The following GRIN2B variants were observed in gnomAD, a reference collection of about 807,000 sequenced individuals.
GRIN2B encodes the protein glutamate receptor ionotropic, NMDA 2B.
A neutral mutation model predicts 114.5 loss-of-function variants in GRIN2B; 5 were observed. The observed-to-expected ratio is 0.04, with a 90% confidence interval of 0.02 to 0.09. The LOEUF (loss-of-function observed/expected upper bound fraction) is 0.09, where lower values mean the gene tolerates loss of function less well. Among genes scored for constraint, GRIN2B ranks in the 10% least tolerant of loss-of-function variants. The pLI is 1.00. For missense variants in GRIN2B, 1,108 were observed against 1,943.5 expected (o/e 0.57, Z 8.08); for synonymous variants, 787 against 745.1 (o/e 1.06, Z -0.92).
rs201867439 is a variant in GRIN2B, at chr12:13,675,859, C to A, written c.1011G>T (p.Arg337Ser). 2 of 1,505,346 alleles carry A rather than the reference C, an allele frequency of 1.3e-6. No individual in the cohort carries two copies. Among genetic ancestry groups the A allele is most frequent in the Non-Finnish European group, 1.8e-6 (2 of 1,081,216 alleles). The allele number at this position is 1,505,346 out of a possible 1,614,324, so 93.2% of individuals were successfully genotyped here. The part of the protein sequence containing the change: ...KRIYQSNMLN[R>S]YLINVTFEGR... ...CCTCAAAAGTGACATTGATCAGATA[C>A]CTGTAAAGATAAAATAAAAGGAAGA... is the stretch of plus-strand genomic sequence containing the variant. The change falls in exon 5 of 14, where the codon AGG (arginine) becomes AGT (serine). Residue 337 changes from arginine to serine, a missense_variant and splice_region_variant. Around this residue, in one of 19 missense-constraint regions of GRIN2B, gnomAD observed 199 missense variants for 439.6 expected, o/e 0.45. Coordinates refer to ENST00000609686, the MANE Select transcript of GRIN2B (RefSeq NM_000834.5).
At chr12:13,699,258 A>G (rs778708284) in intron 4 of GRIN2B, among the ~76,000 whole-genome samples, 17 of 152,152 alleles carry the variant, frequency 1.1e-4, no homozygotes, top group Non-Finnish European at 1.9e-4. Flanking sequence ...CATCTCCCCA[A>G]TACCTGCAGT....
chr12:13,668,793 A>G (rs1184236321), intron 5 of GRIN2B, among the ~76,000 whole-genome samples: 1 of 151,840 alleles, frequency 6.6e-6, no homozygotes, highest in Non-Finnish European at 1.5e-5. Context: ...TTTTATTGCA[A>G]TGTACTTGTT....
chr12:13,940,739 G>A (rs1157111362), intron 2 of GRIN2B, among the ~76,000 whole-genome samples: 4 of 151,990 alleles, frequency 2.6e-5, no homozygotes, highest in Non-Finnish European at 5.9e-5. Flanking sequence ...AGGGAGCAGG[G>A]GTGAAATTTA....
chr12:13,739,445 A>C (rs1482642160), intron 4 of GRIN2B, among the ~76,000 whole-genome samples: 1 of 150,794 alleles, frequency 6.6e-6, no homozygotes, highest in African/African-American at 2.4e-5. Flanking sequence ...GATCCTAACC[A>C]ACCTATTTTA....
Position 13,562,892 on chromosome 12 carries a change from C to T in GRIN2B, c.4346G>A (p.Gly1449Glu), listed in dbSNP as rs1255397067. 6.2e-7 allele frequency: 1 copy of T among 1,614,126 alleles called. No homozygotes were observed. The highest frequency in any genetic ancestry group is 1.7e-5 in the Admixed American group (1 of 60,030). Residue 1449 changes from glycine to glutamate, a missense_variant, in exon 14 of 14, where the codon GGG becomes GAG. Gly to Glu is a moderately conservative substitution (Grantham distance 98, BLOSUM62 -2). This residue lies in a region of GRIN2B where 478 missense variants were observed against 506.0 expected (regional missense o/e 0.94). Transcript: ENST00000609686. ...AGGCACACAGGGGTTGGACTGGTTC[C>T]CTATACAGATGTCCTTCTGGAAACG... is the stretch of plus-strand genomic sequence containing the variant. ...PARFQKDICIGNQSNPCVPNN... is the reference protein window; with the variant it reads ...PARFQKDICIENQSNPCVPNN...
intron 4 of GRIN2B, among the ~76,000 whole-genome samples, chr12:13,739,725 TTTTGGAACTGGGCTGAA>T (rs796919910): frequency 5.3e-5 from 8 of 152,260 alleles, no homozygotes; most frequent in African/African-American, 1.9e-4. Flanking sequence ...AGGTGGTTAA[TTTTGGAACTGGGCTGAA>T]TTTGGAACTG....
At chr12:13,947,884 C>G (rs903361851) in intron 2 of GRIN2B, among the ~76,000 whole-genome samples, 3 of 152,158 alleles carry the variant, frequency 2.0e-5, no homozygotes, top group Non-Finnish European at 4.4e-5. Flanking sequence ...AGGCTTTAAC[C>G]TACTACCCTC....
At chr12:13,771,325 T>C (rs995403769) in intron 3 of GRIN2B, among the ~76,000 whole-genome samples, 2 of 152,354 alleles carry the variant, frequency 1.3e-5, no homozygotes, top group South Asian at 2.1e-4. Context: ...GTCTTGGGTA[T>C]GTCTTTATTA....
Position 13,599,265 on chromosome 12 carries a change from C to A in GRIN2B, c.2010+9338G>T, listed in dbSNP as rs372703374. 7.1e-4 allele frequency among the ~76,000 whole-genome samples: 108 copies of A among 152,176 alleles called. 1 individual carries two copies. In the South Asian group the frequency reaches 0.021, roughly 30 times the overall value. ...TCCCTAGCCTCAGGGAGTCTCAGGCCCCCATCAGCCCTAGCATATGCCCAG... is the reference window on the plus strand; with the variant it reads ...TCCCTAGCCTCAGGGAGTCTCAGGCACCCATCAGCCCTAGCATATGCCCAG... On this transcript the variant is annotated intron_variant, in intron 10 of 13. Transcript: ENST00000609686.
chr12:13,593,332 G>T (rs1949032506), intron 10 of GRIN2B, among the ~76,000 whole-genome samples: 3 of 152,208 alleles, frequency 2.0e-5, no homozygotes, highest in African/African-American at 7.2e-5. Flanking sequence ...GCATGGTACT[G>T]GTACCAAAAC....
chr12:13,974,305 T>C (rs1167632748), intron 2 of GRIN2B, among the ~76,000 whole-genome samples: 1 of 152,226 alleles, frequency 6.6e-6, no homozygotes, highest in Admixed American at 6.5e-5. Context: ...CATTTGCTCA[T>C]TCTAGAGGCA....
chr12:13,926,362 G>A (rs1866910894), intron 2 of GRIN2B, among the ~76,000 whole-genome samples: 1 of 152,096 alleles, frequency 6.6e-6, no homozygotes, highest in Non-Finnish European at 1.5e-5. Context: ...ACCCTTGCCT[G>A]GTGTGTATCC....
intron 5 of GRIN2B, among the ~76,000 whole-genome samples, chr12:13,648,129 T>C (rs867349945): frequency 1.3e-5 from 2 of 152,072 alleles, no homozygotes; most frequent in South Asian, 2.1e-4. Flanking sequence ...TATCAAAATA[T>C]TGACATGCCA....
intron 4 of GRIN2B, among the ~76,000 whole-genome samples, chr12:13,741,042 AT>A (rs1030862300): frequency 1.3e-5 from 2 of 152,090 alleles, no homozygotes; most frequent in African/African-American, 4.8e-5. Flanking sequence ...CTATTTATTT[AT>A]TTTATTTTAT....
chr12:13,610,951 T>G (rs1949358907), intron 9 of GRIN2B, among the ~76,000 whole-genome samples: 1 of 152,202 alleles, frequency 6.6e-6, no homozygotes, highest in African/African-American at 2.4e-5. Context: ...GCTCACATTC[T>G]GGAATGGAGA....
Position 13,560,964 on chromosome 12 carries a change from A to C in GRIN2B, c.*1819T>G, listed in dbSNP as rs1216487509. ...TTTCTGGTTTATGTGTCCTGTGTGC[A>C]ACATGGCGATCCTGCAGTCAAGCTT... On this transcript the variant is annotated 3_prime_UTR_variant, in exon 14 of 14. Transcript: ENST00000609686. 6.6e-6 allele frequency: 1 copy of C among 152,228 alleles called. No homozygotes were observed. Among genetic ancestry groups the C allele is most frequent in the Non-Finnish European group, 1.5e-5 (1 of 68,152 alleles). The allele number at this position is 152,228 out of a possible 1,614,324, so 9.4% of individuals were successfully genotyped here. A position where few individuals can be genotyped will look rare whatever the true frequency, so the allele number is the denominator to read the frequency against.
chr12:13,890,913 G>A (rs1361651579), intron 2 of GRIN2B, among the ~76,000 whole-genome samples: 1 of 152,092 alleles, frequency 6.6e-6, no homozygotes, highest in Non-Finnish European at 1.5e-5. Context: ...AGTCCAGTGG[G>A]CCCGGAACCC....
In GRIN2B at chr12:13,539,901, T is replaced by A. The variant is rs1948255629; in HGVS notation, c.*22882A>T. ...CACTGGATATTTCTTATCAAGGAAT[T>A]ATGGCTACCTTATGATGTCACAATG... On this transcript the variant is annotated 3_prime_UTR_variant, in exon 14 of 14. Transcript: ENST00000609686. 1 of 152,204 alleles carries A rather than the reference T, an allele frequency of 6.6e-6. No homozygotes were observed. Among genetic ancestry groups the A allele is most frequent in the African/African-American group, 2.4e-5 (1 of 41,458 alleles). 9.4% of individuals were successfully genotyped at this position (152,204 alleles called of 1,614,324 possible). A position where few individuals can be genotyped will look rare whatever the true frequency, so the allele number is the denominator to read the frequency against.
At chr12:13,730,961 C>T (rs1863078645) in intron 4 of GRIN2B, among the ~76,000 whole-genome samples, 1 of 152,242 alleles carries the variant, frequency 6.6e-6, no homozygotes, top group Middle Eastern at 3.4e-3. Context: ...CTGACCACCA[C>T]AATCCTCCTT....
Sources: gnomAD v4.1 joint callset for allele counts (sites outside exome capture counted in the v4.1 genomes callset) on GRCh38, gnomAD v4.1.1 for gene constraint, gnomAD v4.1.1 regional missense constraint, MANE v1.5 for transcripts, NCBI Gene and HGNC (gene_info 2026-07-23, HGNC 2026-07-21) for gene names.